TSHZ3: variants seen among roughly 807,000 people sequenced by gnomAD.
The protein encoded by TSHZ3 is teashirt zinc finger homeobox 3.
A neutral mutation model predicts 64.5 loss-of-function variants in TSHZ3; 10 were observed. That is an observed-to-expected ratio of 0.16 (90% CI 0.10 to 0.26). TSHZ3 has a LOEUF of 0.26. TSHZ3 is among the 10% of genes least tolerant of loss of function. The pLI is 1.00. For missense variants in TSHZ3, 1,242 were observed against 1,421.7 expected (o/e 0.87, Z 2.03); for synonymous variants, 608 against 593.1 (o/e 1.03, Z -0.36).
At chr19:31,195,489 C>T (rs1256704989) in intron 5 of TSHZ3, 3 of 152,010 alleles carry the variant, frequency 2.0e-5, no homozygotes, top group African/African-American at 7.2e-5. Context: ...ATTCTGTACC[C>T]TGCAAAATTG....
intron 1 of TSHZ3, among the ~76,000 whole-genome samples, chr19:31,317,266 C>G (rs1404656330): frequency 3.3e-5 from 5 of 152,200 alleles, no homozygotes; most frequent in African/African-American, 1.2e-4. Flanking sequence ...CGCTGATATG[C>G]TGTAGTTTAA....
At chr19:31,298,045 C>T (rs1454869837) in intron 1 of TSHZ3, among the ~76,000 whole-genome samples, 2 of 152,156 alleles carry the variant, frequency 1.3e-5, no homozygotes, top group Non-Finnish European at 2.9e-5. Context: ...TATGGAGCTC[C>T]TGCGGCCTCC....
chr19:31,213,356 CAA>C (rs35192337), intron 4 of TSHZ3, among the ~76,000 whole-genome samples: 21 of 23,296 alleles, frequency 9.0e-4, no homozygotes, highest in African/African-American at 2.7e-3. Context: ...GACTCTGTCT[CAA>C]AAAAAAAAAA....
chr19:31,289,972 C>A (rs1027522272), intron 1 of TSHZ3, among the ~76,000 whole-genome samples: 2 of 151,336 alleles, frequency 1.3e-5, no homozygotes, highest in Non-Finnish European at 3.0e-5. Context: ...AAGTGCCTTA[C>A]ACGCTGTGCC....
chr19:31,233,891 C>A (rs1975572949), intron 3 of TSHZ3, among the ~76,000 whole-genome samples: 1 of 147,058 alleles, frequency 6.8e-6, no homozygotes, highest in South Asian at 2.1e-4. Flanking sequence ...TGTTAGGTCT[C>A]TTGCATTTTC....
intron 5 of TSHZ3, among the ~76,000 whole-genome samples, chr19:31,190,967 C>G (rs1179613914): frequency 6.6e-6 from 1 of 151,830 alleles, no homozygotes; most frequent in Non-Finnish European, 1.5e-5. Context: ...TGGTAGAAGG[C>G]CAGTAAATTT....
chr19:31,236,919 T>C (rs1599598497), intron 3 of TSHZ3, among the ~76,000 whole-genome samples: 1 of 152,060 alleles, frequency 6.6e-6, no homozygotes, highest in Non-Finnish European at 1.5e-5. Flanking sequence ...GAGGCCAAGG[T>C]GGGAGGATCA....
intron 4 of TSHZ3, among the ~76,000 whole-genome samples, chr19:31,219,931 C>T (rs1975377462): frequency 6.6e-6 from 1 of 151,348 alleles, no homozygotes; most frequent in African/African-American, 2.4e-5. Context: ...TTCAATTGAT[C>T]TTTGGAAAGA....
At chr19:31,292,585 A>G (rs1976584801) in intron 1 of TSHZ3, among the ~76,000 whole-genome samples, 2 of 152,188 alleles carry the variant, frequency 1.3e-5, no homozygotes, top group Admixed American at 1.3e-4. Context: ...TAAGATTTAC[A>G]TGGAAGACGA....
intron 1 of TSHZ3, among the ~76,000 whole-genome samples, chr19:31,250,530 A>G (rs1463373967): frequency 6.6e-6 from 1 of 152,244 alleles, no homozygotes; most frequent in Non-Finnish European, 1.5e-5. Flanking sequence ...CCCAGTGCAC[A>G]GTTAAATAAT....
At chr19:31,194,404 C>T (rs1395804589) in intron 5 of TSHZ3, among the ~76,000 whole-genome samples, 1 of 152,134 alleles carries the variant, frequency 6.6e-6, no homozygotes, top group African/African-American at 2.4e-5. Context: ...GCCTAACCTG[C>T]TAGGGTTTTA....
chr19:31,205,571 T>G (rs1975155191), intron 4 of TSHZ3, among the ~76,000 whole-genome samples: 1 of 152,194 alleles, frequency 6.6e-6, no homozygotes, highest in African/African-American at 2.4e-5. Flanking sequence ...CCCAGCTGGC[T>G]CTGGGCTGAG....
intron 1 of TSHZ3, among the ~76,000 whole-genome samples, chr19:31,336,210 T>A (rs1277936285): frequency 6.6e-6 from 1 of 152,224 alleles, no homozygotes. Context: ...TATCTAGTTT[T>A]TAATACATTT....
Position 31,346,081 on chromosome 19 carries a change from C to T in TSHZ3, c.40+3099G>A, listed in dbSNP as rs544654721. ...AAGCCATACATAGTTTCTATCAAAA[C>T]ATCAAAAAATCCTAAAGTACAGAAA... is the stretch of plus-strand genomic sequence containing the variant. On this transcript the variant is annotated intron_variant, in intron 1 of 1. Coordinates refer to ENST00000240587, the MANE Select transcript of TSHZ3 (RefSeq NM_020856.4). 2.0e-3 allele frequency among the ~76,000 whole-genome samples: 306 copies of T among 152,308 alleles called. 2 individuals are homozygous for T. Among genetic ancestry groups the T allele is most frequent in the Non-Finnish European group, 3.5e-3 (235 of 68,010 alleles).
intron 5 of TSHZ3, among the ~76,000 whole-genome samples, chr19:31,197,886 C>T (rs892949280): frequency 2.0e-4 from 31 of 152,078 alleles, no homozygotes; most frequent in African/African-American, 7.2e-4. Context: ...AAAAATAATA[C>T]CAATTCTGTA....
chr19:31,310,633 A>G (rs913665396), intron 1 of TSHZ3, among the ~76,000 whole-genome samples: 1 of 152,170 alleles, frequency 6.6e-6, no homozygotes, highest in Non-Finnish European at 1.5e-5. Flanking sequence ...TGTGTGATGC[A>G]TAAGTCACAA....
intron 1 of TSHZ3, among the ~76,000 whole-genome samples, chr19:31,266,558 CA>C (rs1158989398): frequency 1.3e-5 from 2 of 152,262 alleles, no homozygotes; most frequent in Non-Finnish European, 2.9e-5. Flanking sequence ...AGCCCATTAA[CA>C]CGACCCTTTT....
chr19:31,167,556 G>C (rs1974472186), intron 5 of TSHZ3: 1 of 152,196 alleles, frequency 6.6e-6, no homozygotes, highest in African/African-American at 2.4e-5. Flanking sequence ...CATCTCTAAA[G>C]GGAAGGCCAA....
intron 5 of TSHZ3, among the ~76,000 whole-genome samples, chr19:31,162,168 C>G (rs1035530305): frequency 6.6e-6 from 1 of 152,118 alleles, no homozygotes; most frequent in Admixed American, 6.5e-5. Flanking sequence ...GAGTTCCTTG[C>G]GTGTCCTATT....
Sources: gnomAD v4.1 joint callset for allele counts (sites outside exome capture counted in the v4.1 genomes callset) on GRCh38, gnomAD v4.1.1 for gene constraint, MANE v1.5 for transcripts, NCBI Gene and HGNC (gene_info 2026-07-23, HGNC 2026-07-21) for gene names.